The following ADCY8 variants were observed in gnomAD, a reference collection of about 807,000 sequenced individuals.
ADCY8 encodes adenylate cyclase type 8.
ADCY8 carries 51 observed loss-of-function variants against 119.7 expected under a neutral mutation model. The ratio of observed to expected loss-of-function variants is 0.43; its 90% CI spans 0.34 to 0.54. The LOEUF (loss-of-function observed/expected upper bound fraction) is 0.54, where lower values mean the gene tolerates loss of function less well. ADCY8 is among the 20% of genes least tolerant of loss of function. The probability of loss-of-function intolerance (pLI) is 0.03; values close to 1 mark genes in which losing one functional copy is unlikely to be tolerated. For synonymous variants in ADCY8, 665 were observed against 651.0 expected (o/e 1.02, Z -0.33); for missense variants, 1,383 against 1,598.8 (o/e 0.87, Z 2.30).
rs117638001 is a variant in ADCY8, at chr8:130,917,831, A to T, written c.1482-7965T>A. Among the ~76,000 whole-genome samples, 248 of 149,696 alleles carry T rather than the reference A, an allele frequency of 1.7e-3. 1 individual carries two copies. The highest frequency in any genetic ancestry group is 4.9e-3 in the East Asian group (25 of 5,094). Reference sequence around the variant, plus strand: ...ATTGGTGCTTCTTTTATTCCCGTTAATTTCCTCTCCTTCCTTCAAGATGCC... The same window carrying T: ...ATTGGTGCTTCTTTTATTCCCGTTATTTTCCTCTCCTTCCTTCAAGATGCC... On this transcript the variant is annotated intron_variant, in intron 5 of 17. Coordinates refer to ENST00000286355, the MANE Select transcript of ADCY8 (RefSeq NM_001115.3).
intron 2 of ADCY8, among the ~76,000 whole-genome samples, chr8:130,961,943 C>A (rs1821618773): frequency 6.6e-6 from 1 of 152,242 alleles, no homozygotes; most frequent in African/African-American, 2.4e-5. Flanking sequence ...CCACCGTACT[C>A]CAGCCTGGGC....
rs1816264654 is a variant in ADCY8 at position 130,814,183 on chromosome 8, G to A, written c.2799C>T (p.Ala933=). 6.2e-7 allele frequency: 1 copy of A among 1,613,872 alleles called. No homozygotes were observed. Among genetic ancestry groups the A allele is most frequent in the Admixed American group, 1.7e-5 (1 of 59,982 alleles). Residue 933 remains alanine (A), a synonymous_variant, in exon 14 of 18, where the codon GCC becomes GCT. Transcript: ENST00000286355. ...ARLDFLWRVQ[A]KEEINEMKEL... Reference sequence around the variant, plus strand: ...CCTTCATCTCATTGATCTCCTCTTTGGCCTGTACTCGCCAAAGGAAGTCCA... The same window carrying A: ...CCTTCATCTCATTGATCTCCTCTTTAGCCTGTACTCGCCAAAGGAAGTCCA...
rs143873600 is a variant in ADCY8, at chr8:131,024,609, A to G, written c.960+14765T>C. Among the ~76,000 whole-genome samples the G allele has an allele frequency of 2.0e-5, 3 of 152,342 alleles. No homozygotes were observed. In the East Asian group the frequency reaches 5.8e-4, roughly 29 times the overall value. On this transcript the variant is annotated intron_variant, in intron 1 of 17. Coordinates refer to ENST00000286355, the MANE Select transcript of ADCY8 (RefSeq NM_001115.3). ...AACATGCACATTGTGGAAATGAGAG[A>G]TAGGCAAGTGCCATGAAGTCACTAA...
At position 130,957,118 on chromosome 8, in the gene ADCY8, T is replaced by A. The variant is rs1042104401; in HGVS notation, c.1111-5120A>T. On this transcript the variant is annotated intron_variant, in intron 2 of 17. Coordinates refer to ENST00000286355, the MANE Select transcript of ADCY8 (RefSeq NM_001115.3). ...AGTCTGGAGGGCTCAGAAGAAGACA[T>A]GAAAAGGTGGGAAAGTTTGGAACTC... Among the ~76,000 whole-genome samples the A allele has an allele frequency of 2.8e-4, 43 of 152,066 alleles. 1 individual carries two copies. The highest frequency in any genetic ancestry group is 9.9e-4 in the African/African-American group (41 of 41,412).
chr8:130,865,467 T>G (rs2130381558), intron 9 of ADCY8, among the ~76,000 whole-genome samples: 1 of 152,212 alleles, frequency 6.6e-6, no homozygotes, highest in South Asian at 2.1e-4. Context: ...AAAGAATAGG[T>G]TAAAGTTTTG....
At chr8:130,781,493 G>C (rs1193872279) in intron 17 of ADCY8, among the ~76,000 whole-genome samples, 1 of 152,118 alleles carries the variant, frequency 6.6e-6, no homozygotes, top group Non-Finnish European at 1.5e-5. Context: ...TATCTTCCAG[G>C]GCTCCTTTCA....
intron 3 of ADCY8, 35 bp from the exon 4 acceptor site, chr8:130,943,497 G>GGGGGGGGGGGCACC: frequency 4.1e-6 from 2 of 491,356 alleles, no homozygotes; most frequent in African/African-American, 2.0e-5. Flanking sequence ...GTGGGGGGAG[G>GGGGGGGGGGGCACC]AAGTATATTA....
Position 130,903,838 on chromosome 8 carries a change from C to T in ADCY8, c.1845G>A (p.Gly615=), listed in dbSNP as rs758744758. The T allele has an allele frequency of 1.2e-6, 2 of 1,613,766 alleles. No homozygotes were observed. Among genetic ancestry groups the T allele is most frequent in the East Asian group, 2.2e-5 (1 of 44,836 alleles). ...TCCAGGATCCTTCAGTGAATGTGGC[C>T]CCACTGTTTCTCCGGTCTGAGGAGC... The part of the protein sequence containing the change: ...SVSSSDRRNS[G]ATFTEGSWSP... The change falls in exon 7 of 18, where the codon GGG becomes GGA. Residue 615 remains glycine (G), a synonymous_variant. Transcript: ENST00000286355.
chr8:130,906,046 C>T (rs1819773851), intron 6 of ADCY8, among the ~76,000 whole-genome samples: 1 of 152,160 alleles, frequency 6.6e-6, no homozygotes, highest in East Asian at 1.9e-4. Flanking sequence ...TCATGTTCTC[C>T]ACATCTTCCA....
rs374713455 is a variant in ADCY8 at position 130,923,945 on chromosome 8, C to T, written c.1481+13128G>A. ...TTATTCTTAGATGTTTATTGACTGA[C>T]ATTTTCCTCTTTCAATATCAGTTCT... On this transcript the variant is annotated intron_variant, in intron 5 of 17. Coordinates refer to ENST00000286355, the MANE Select transcript of ADCY8 (RefSeq NM_001115.3). Among the ~76,000 whole-genome samples, 6 of 152,202 alleles carry T rather than the reference C, an allele frequency of 3.9e-5. No homozygotes were observed. The East Asian group carries it at 7.7e-4, about 20-fold the overall frequency.
At chr8:131,013,469 T>C (rs568063329) in intron 1 of ADCY8, among the ~76,000 whole-genome samples, 2 of 152,172 alleles carry the variant, frequency 1.3e-5, no homozygotes, top group Non-Finnish European at 2.9e-5. Context: ...AAAACCGATA[T>C]AGAGTTCTTC....
intron 11 of ADCY8, among the ~76,000 whole-genome samples, chr8:130,836,885 C>T (rs969280458): frequency 6.6e-6 from 1 of 152,126 alleles, no homozygotes; most frequent in Non-Finnish European, 1.5e-5. Context: ...AGGCACATGC[C>T]ACCACACCTG....
chr8:130,822,174 G>T (rs1356497478), intron 12 of ADCY8, among the ~76,000 whole-genome samples: 8 of 152,112 alleles, frequency 5.3e-5, no homozygotes, highest in Non-Finnish European at 1.2e-4. Flanking sequence ...ATACATCCTT[G>T]TTGCCATAGG....
intron 2 of ADCY8, among the ~76,000 whole-genome samples, chr8:130,961,367 C>T (rs1407991045): frequency 3.3e-5 from 5 of 152,032 alleles, no homozygotes; most frequent in Admixed American, 3.3e-4. Flanking sequence ...ACCTCGGTCT[C>T]CCAAAGCGCT....
chr8:131,034,353 A>G (rs1824084826), intron 1 of ADCY8, among the ~76,000 whole-genome samples: 1 of 152,106 alleles, frequency 6.6e-6, no homozygotes, highest in South Asian at 2.1e-4. Flanking sequence ...TCAGTCCTTC[A>G]TTTAAGTGGT....
At chr8:130,994,459 C>T (rs912271021) in intron 1 of ADCY8, among the ~76,000 whole-genome samples, 2 of 152,222 alleles carry the variant, frequency 1.3e-5, no homozygotes, top group Admixed American at 1.3e-4. Context: ...TCTTTTGTAA[C>T]TGATATCTTA....
chr8:130,933,279 A>G (rs1046133014), intron 5 of ADCY8, among the ~76,000 whole-genome samples: 1 of 152,228 alleles, frequency 6.6e-6, no homozygotes, highest in African/African-American at 2.4e-5. Context: ...GCTTCTATCA[A>G]GTTTTCAAAT....
At chr8:130,800,647 C>T (rs748287506) in intron 14 of ADCY8, 75 bp from the exon 15 acceptor site, 13 of 1,507,578 alleles carry the variant, frequency 8.6e-6, no homozygotes, top group Non-Finnish European at 1.2e-5. Flanking sequence ...CCTGTGCACA[C>T]ATGTGGGTAC....
intron 1 of ADCY8, among the ~76,000 whole-genome samples, chr8:131,010,342 G>A (rs563539349): frequency 2.0e-5 from 3 of 152,244 alleles, no homozygotes; most frequent in South Asian, 4.1e-4. Context: ...ACTATTATTT[G>A]CAAGGAAAAC....
Sources: allele counts gnomAD v4.1 joint callset (sites outside exome capture counted in the v4.1 genomes callset), GRCh38; gene constraint gnomAD v4.1.1; transcripts MANE v1.5; gene names NCBI Gene and HGNC (gene_info 2026-07-23, HGNC 2026-07-21).